SLC9B1: variants seen among roughly 807,000 people sequenced by gnomAD.
SLC9B1 encodes the protein solute carrier family 9 member B1, also known as sodium/hydrogen exchanger 9B1.
SLC9B1 carries 32 observed loss-of-function variants against 51.7 expected under a neutral mutation model. The observed-to-expected ratio is 0.62, with a 90% CI of 0.47 to 0.83. The LOEUF is 0.83. Among genes scored for constraint, SLC9B1 ranks in the 40% least tolerant of loss-of-function variants. The probability of loss-of-function intolerance (pLI) is 0.00; values close to 1 mark genes in which losing one functional copy is unlikely to be tolerated. For synonymous variants in SLC9B1, 145 were observed against 212.7 expected, an observed-to-expected ratio of 0.68 and a Z score of 2.77; for missense variants, 406 against 613.2, an observed-to-expected ratio of 0.66 and a Z score of 3.57.
chr4:102,955,881 GAAAGAAAGAAAGAAAGAA>G (rs1737775023), intron 3 of SLC9B1, among the ~76,000 whole-genome samples: 1 of 145,764 alleles, frequency 6.9e-6, no homozygotes, highest in Non-Finnish European at 1.5e-5. Context: ...AAGAAAGAAA[GAAAGAAAGAAAGAAAGAA>G]AGAGAGAGAA....
intron 3 of SLC9B1, among the ~76,000 whole-genome samples, chr4:102,979,191 C>G (rs1739226932): frequency 6.6e-6 from 1 of 152,124 alleles, no homozygotes; most frequent in African/African-American, 2.4e-5. Flanking sequence ...CTTTTCATTT[C>G]CTATTTGCTC....
chr4:102,993,991 TC>T (rs1168651386), intron 1 of SLC9B1, among the ~76,000 whole-genome samples: 1 of 152,040 alleles, frequency 6.6e-6, no homozygotes, highest in African/African-American at 2.4e-5. Context: ...CATTTTTCCC[TC>T]CTAGGTCTCC....
At chr4:102,954,047 G>A (rs1478414437) in intron 3 of SLC9B1, among the ~76,000 whole-genome samples, 3 of 46,626 alleles carry the variant, frequency 6.4e-5, no homozygotes, top group African/African-American at 1.6e-4. Context: ...CCTGTCTTGT[G>A]CTGGTTTTCA....
At chr4:102,914,201 G>A (rs1050829867) in intron 7 of SLC9B1, among the ~76,000 whole-genome samples, 1 of 131,360 alleles carries the variant, frequency 7.6e-6, no homozygotes, top group Non-Finnish European at 1.6e-5. Flanking sequence ...AGAACTAGTT[G>A]AGCCATTATT....
chr4:103,000,947 T>C (rs140640179), intron 1 of SLC9B1, among the ~76,000 whole-genome samples: 2 of 152,352 alleles, frequency 1.3e-5, no homozygotes, highest in African/African-American at 4.8e-5. Context: ...CTGCCCTAGC[T>C]AGAGGTTCTT....
At chr4:102,989,520 A>G (rs185898145) in intron 3 of SLC9B1, among the ~76,000 whole-genome samples, 138 of 152,144 alleles carry the variant, frequency 9.1e-4, no homozygotes, top group Non-Finnish European at 1.7e-3. Flanking sequence ...TAGGTTTTAA[A>G]TAAAATCCTT....
chr4:102,921,171 G>A (rs1024153284), intron 7 of SLC9B1, among the ~76,000 whole-genome samples: 10 of 152,186 alleles, frequency 6.6e-5, no homozygotes, highest in African/African-American at 2.4e-4. Context: ...GAAAGGTCAG[G>A]TTAGCCAGAA....
intron 3 of SLC9B1, among the ~76,000 whole-genome samples, chr4:102,978,264 A>G (rs1399939211): frequency 1.3e-5 from 2 of 152,194 alleles, no homozygotes; most frequent in African/African-American, 4.8e-5. Context: ...CGCCGCAATA[A>G]ACATACGTGT....
intron 11 of SLC9B1, among the ~76,000 whole-genome samples, chr4:102,886,558 T>TA (rs1733928797): frequency 6.6e-6 from 1 of 152,146 alleles, no homozygotes; most frequent in Non-Finnish European, 1.5e-5. Flanking sequence ...TGTTAATTAT[T>TA]ATTATGTGTA....
At chr4:102,914,882 A>G (rs1269402821) in intron 7 of SLC9B1, among the ~76,000 whole-genome samples, 3 of 152,228 alleles carry the variant, frequency 2.0e-5, no homozygotes, top group Non-Finnish European at 4.4e-5. Flanking sequence ...CAAATCCAAG[A>G]GTCTCAAAGA....
chr4:102,905,290 A>C (rs1031926020), intron 11 of SLC9B1, among the ~76,000 whole-genome samples: 11 of 151,858 alleles, frequency 7.2e-5, no homozygotes, highest in Admixed American at 2.0e-4. Flanking sequence ...GTGCCATCTC[A>C]GCTTACTGCA....
intron 7 of SLC9B1, among the ~76,000 whole-genome samples, chr4:102,922,602 G>A (rs34725541): frequency 0.55 from 83,160 of 151,852 alleles, 23,343 homozygotes; most frequent in African/African-American, 0.68. Flanking sequence ...CCTTCAAAAA[G>A]TCAATGAATC....
intron 4 of SLC9B1, 51 bp downstream of exon 4, chr4:102,949,206 A>G (rs1291187973): frequency 7.4e-7 from 1 of 1,355,714 alleles, no homozygotes. Flanking sequence ...AAAATGTTCA[A>G]CATTTGCATA....
At chr4:102,919,041 G>A (rs1262310839) in intron 7 of SLC9B1, among the ~76,000 whole-genome samples, 1 of 152,210 alleles carries the variant, frequency 6.6e-6, no homozygotes, top group Non-Finnish European at 1.5e-5. Flanking sequence ...TCCCAAGACT[G>A]CACAGAGCAG....
At chr4:102,987,799 T>C (rs1359400033) in intron 3 of SLC9B1, among the ~76,000 whole-genome samples, 2 of 152,218 alleles carry the variant, frequency 1.3e-5, no homozygotes, top group African/African-American at 2.4e-5. Context: ...ACCCTGCTCC[T>C]GGTTCCCAAA....
At chr4:102,961,641 GCTTA>G (rs895686535) in intron 3 of SLC9B1, among the ~76,000 whole-genome samples, 3 of 150,404 alleles carry the variant, frequency 2.0e-5, no homozygotes, top group Non-Finnish European at 4.4e-5. Flanking sequence ...CCCTTCCTTT[GCTTA>G]CTTATTTTTT....
chr4:102,970,657 T>C (rs567528264), intron 3 of SLC9B1, among the ~76,000 whole-genome samples: 235 of 152,222 alleles, frequency 1.5e-3, no homozygotes, highest in African/African-American at 5.3e-3. Context: ...TAAATGTAAA[T>C]GGGCTAAATG....
At chr4:102,913,961 G>A (rs1461599590) in intron 7 of SLC9B1, among the ~76,000 whole-genome samples, 1 of 152,240 alleles carries the variant, frequency 6.6e-6, no homozygotes, top group African/African-American at 2.4e-5. Context: ...CAAGACAGGG[G>A]AATTGCAATG....
intron 3 of SLC9B1, among the ~76,000 whole-genome samples, chr4:102,963,840 A>G (rs1738273539): frequency 6.6e-6 from 1 of 152,354 alleles, no homozygotes; most frequent in Middle Eastern, 3.4e-3. Flanking sequence ...GTATAGCTTT[A>G]AAAACAGAAA....
Sources: gnomAD v4.1 joint callset for allele counts (sites outside exome capture counted in the v4.1 genomes callset) on GRCh38, gnomAD v4.1.1 for gene constraint, MANE v1.5 for transcripts, NCBI Gene and HGNC (gene_info 2026-07-23, HGNC 2026-07-21) for gene names.